Variants in EVI5 observed in about 807,000 individuals in gnomAD.
EVI5 encodes ecotropic viral integration site 5 protein homolog.
In EVI5, 73 loss-of-function variants were observed where a neutral mutation model predicts 112.0. The observed-to-expected ratio is 0.65, with a 90% confidence interval of 0.54 to 0.79. EVI5 has a LOEUF of 0.79. Among genes scored for constraint, EVI5 ranks in the 30% least tolerant of loss-of-function variants. EVI5 has a pLI of 0.00. For synonymous variants in EVI5, 305 were observed against 319.9 expected (o/e 0.95, Z 0.50); for missense variants, 900 against 968.8 (o/e 0.93, Z 0.94).
intron 1 of EVI5, among the ~76,000 whole-genome samples, chr1:92,762,281 T>C (rs1481941396): frequency 6.6e-6 from 1 of 152,224 alleles, no homozygotes; most frequent in African/African-American, 2.4e-5. Flanking sequence ...AAACAAAACA[T>C]GTACACAATG....
intron 10 of EVI5, among the ~76,000 whole-genome samples, chr1:92,669,793 C>T (rs1039296979): frequency 5.3e-5 from 8 of 151,558 alleles, no homozygotes; most frequent in African/African-American, 1.9e-4. Context: ...TAAAATCTAC[C>T]ACCTGATTGA....
intron 1 of EVI5, among the ~76,000 whole-genome samples, chr1:92,781,546 A>T (rs1007639140): frequency 6.6e-6 from 1 of 152,130 alleles, no homozygotes; most frequent in African/African-American, 2.4e-5. Context: ...GCTATAAGAC[A>T]ACACAGAAAA....
At chr1:92,582,996 A>G (rs1672189582) in intron 18 of EVI5, among the ~76,000 whole-genome samples, 1 of 152,152 alleles carries the variant, frequency 6.6e-6, no homozygotes, top group Non-Finnish European at 1.5e-5. Flanking sequence ...TAACATGCAC[A>G]TGTACTTAAT....
chr1:92,589,578 GC>G (rs1673417997), intron 18 of EVI5, among the ~76,000 whole-genome samples: 1 of 152,212 alleles, frequency 6.6e-6, no homozygotes, highest in Non-Finnish European at 1.5e-5. Context: ...AGGGGCGCCT[GC>G]CACTGCCGAG....
At chr1:92,545,096 AT>A (rs1665458411) in intron 19 of EVI5, among the ~76,000 whole-genome samples, 3 of 152,186 alleles carry the variant, frequency 2.0e-5, no homozygotes, top group African/African-American at 7.2e-5. Context: ...ACAATTTAAA[AT>A]TTTAGTTTTT....
chr1:92,655,992 C>T (rs1357142406), intron 13 of EVI5, among the ~76,000 whole-genome samples: 1 of 152,116 alleles, frequency 6.6e-6, no homozygotes, highest in African/African-American at 2.4e-5. Flanking sequence ...CCAATGACAG[C>T]ATTAAAGATC....
intron 18 of EVI5, among the ~76,000 whole-genome samples, chr1:92,570,616 G>A (rs1670195275): frequency 6.6e-6 from 1 of 152,156 alleles, no homozygotes; most frequent in Admixed American, 6.5e-5. Flanking sequence ...TAAGAGAGAA[G>A]TTCAAGAATG....
chr1:92,619,831 T>C (rs530366747), intron 16 of EVI5, among the ~76,000 whole-genome samples: 1 of 152,032 alleles, frequency 6.6e-6, no homozygotes, highest in African/African-American at 2.4e-5. Context: ...ATACCTTCAG[T>C]TGGCTCATCA....
rs912809079 is a variant in EVI5 at position 92,509,846 on chromosome 1, T to C, written c.*3810A>G. ...AGCTTTCTTATTATGAGTCATTTCA[T>C]TCACTTTTCTCCCCTGAATATACTC... On this transcript the variant is annotated 3_prime_UTR_variant, in exon 20 of 20. Coordinates refer to ENST00000684568, the MANE Select transcript of EVI5 (RefSeq NM_001350197.2). The C allele has an allele frequency of 6.6e-6, 1 of 152,224 alleles. No individual in the cohort carries two copies. Among genetic ancestry groups the C allele is most frequent in the Non-Finnish European group, 1.5e-5 (1 of 68,032 alleles). The allele number at this position is 152,224 out of a possible 1,614,324, so 9.4% of individuals were successfully genotyped here. A position where few individuals can be genotyped will look rare whatever the true frequency, so the allele number is the denominator to read the frequency against.
chr1:92,604,573 T>C (rs1399896349), intron 18 of EVI5, among the ~76,000 whole-genome samples: 2 of 152,228 alleles, frequency 1.3e-5, no homozygotes, highest in African/African-American at 4.8e-5. Context: ...GAGTTAACTC[T>C]TGTTTTGTAT....
intron 2 of EVI5, among the ~76,000 whole-genome samples, chr1:92,727,965 G>A (rs1048517486): frequency 6.7e-6 from 1 of 150,202 alleles, no homozygotes; most frequent in African/African-American, 2.5e-5. Flanking sequence ...TTGCACTCCA[G>A]CCTGGGTGAC....
intron 18 of EVI5, among the ~76,000 whole-genome samples, chr1:92,591,603 T>C (rs1187492376): frequency 3.9e-5 from 6 of 152,038 alleles, no homozygotes; most frequent in African/African-American, 1.5e-4. Context: ...CGCACCCAGA[T>C]TTATAAAGCA....
At chr1:92,586,527 G>T (rs1672811127) in intron 18 of EVI5, among the ~76,000 whole-genome samples, 1 of 144,278 alleles carries the variant, frequency 6.9e-6, no homozygotes. Context: ...TTCTACCTTT[G>T]GTCATTGGGA....
chr1:92,700,431 A>G (rs1670970693), intron 5 of EVI5, among the ~76,000 whole-genome samples: 1 of 152,154 alleles, frequency 6.6e-6, no homozygotes, highest in Admixed American at 6.5e-5. Context: ...CAAAAAGAGG[A>G]GCTTTTCTAC....
At chr1:92,788,377 G>A (rs925321958), upstream of EVI5, among the ~76,000 whole-genome samples, 2 of 151,948 alleles carry the variant, frequency 1.3e-5, no homozygotes, top group African/African-American at 4.8e-5. Flanking sequence ...GGGAGACTGA[G>A]ACAGGAGAAT....
At chr1:92,648,091 A>G (rs1661313560) in intron 13 of EVI5, among the ~76,000 whole-genome samples, 1 of 142,310 alleles carries the variant, frequency 7.0e-6, no homozygotes, top group Admixed American at 6.8e-5. Context: ...TCACGCCTGT[A>G]ATCCCAGCAC....
chr1:92,689,790 C>T (rs4847267), intron 9 of EVI5, among the ~76,000 whole-genome samples: 93,177 of 152,064 alleles, frequency 0.61, 29,380 homozygotes, highest in East Asian at 0.92. Context: ...GGCTGTAATT[C>T]GTTAATAATG....
At chr1:92,695,068 T>C (rs540227834) in intron 7 of EVI5, among the ~76,000 whole-genome samples, 1 of 152,236 alleles carries the variant, frequency 6.6e-6, no homozygotes, top group Non-Finnish European at 1.5e-5. Context: ...ATGTATTGTG[T>C]GTCCATAGAC....
chr1:92,663,871 CT>C (rs1407686432), intron 11 of EVI5, among the ~76,000 whole-genome samples: 9 of 152,292 alleles, frequency 5.9e-5, no homozygotes, highest in African/African-American at 2.2e-4. Flanking sequence ...CTTCAGCCTC[CT>C]GAGCAGCTAG....
Sources: allele counts gnomAD v4.1 joint callset (sites outside exome capture counted in the v4.1 genomes callset), GRCh38; gene constraint gnomAD v4.1.1; transcripts MANE v1.5; gene names NCBI Gene and HGNC (gene_info 2026-07-23, HGNC 2026-07-21).